DENND4A: variants seen among roughly 807,000 people sequenced by gnomAD.
The protein encoded by DENND4A is DENN domain containing 4A, also known as C-myc promoter-binding protein.
Under a neutral mutation model 199.3 loss-of-function variants are expected in DENND4A, and 70 were observed. That is an observed-to-expected ratio of 0.35 (90% CI 0.29 to 0.43). The LOEUF is 0.43. Among genes scored for constraint, DENND4A ranks in the 20% least tolerant of loss-of-function variants. The probability of loss-of-function intolerance (pLI) is 1.00; values close to 1 mark genes in which losing one functional copy is unlikely to be tolerated. For synonymous variants in DENND4A, 686 were observed against 766.9 expected, an observed-to-expected ratio of 0.89 and a Z score of 1.74; for missense variants, 1,723 against 2,255.8, an observed-to-expected ratio of 0.76 and a Z score of 4.78.
At chr15:65,683,118 C>T (rs999806124) in intron 23 of DENND4A, among the ~76,000 whole-genome samples, 1 of 152,178 alleles carries the variant, frequency 6.6e-6, no homozygotes, top group African/African-American at 2.4e-5. Flanking sequence ...ACTTGCTCAA[C>T]ACAGGTTTGC....
chr15:65,755,551 A>C (rs2140665571), intron 3 of DENND4A, among the ~76,000 whole-genome samples: 1 of 152,302 alleles, frequency 6.6e-6, no homozygotes, highest in Admixed American at 6.5e-5. Flanking sequence ...AAATCACTTG[A>C]GGCCAGGAGT....
chr15:65,757,384 G>C (rs935061507), intron 2 of DENND4A, among the ~76,000 whole-genome samples: 33 of 152,004 alleles, frequency 2.2e-4, no homozygotes, highest in African/African-American at 7.7e-4. Context: ...CACCTGATCC[G>C]GCTTGTGTTT....
intron 1 of DENND4A, chr15:65,771,201 G>C: frequency 2.5e-6 from 4 of 1,606,888 alleles, no homozygotes; most frequent in Non-Finnish European, 3.4e-6. Flanking sequence ...CCGGTAAGCC[G>C]CTCTAATTCT....
intron 32 of DENND4A, among the ~76,000 whole-genome samples, chr15:65,663,793 C>A (rs2075951681): frequency 6.6e-6 from 1 of 151,916 alleles, no homozygotes; most frequent in Non-Finnish European, 1.5e-5. Flanking sequence ...GGGACTACAG[C>A]CATGTGCCAC....
At chr15:65,691,625 T>C in intron 22 of DENND4A, 114 bp from the exon 23 acceptor site, 5 of 1,093,262 alleles carry the variant, frequency 4.6e-6, no homozygotes, top group Non-Finnish European at 6.4e-6. Flanking sequence ...TCACTGAGTG[T>C]CTGCTATTTG....
intron 1 of DENND4A, among the ~76,000 whole-genome samples, chr15:65,784,903 T>C (rs2077527103): frequency 6.6e-6 from 1 of 152,094 alleles, no homozygotes; most frequent in African/African-American, 2.4e-5. Flanking sequence ...ATCCCAGCAC[T>C]TTGGGAGCCT....
At chr15:65,692,406 C>G (rs1224623164) in intron 22 of DENND4A, among the ~76,000 whole-genome samples, 1 of 152,170 alleles carries the variant, frequency 6.6e-6, no homozygotes, top group East Asian at 1.9e-4. Flanking sequence ...TTTAATTGTT[C>G]TTACTATATG....
At chr15:65,726,539 T>A (rs2075808340) in intron 11 of DENND4A, among the ~76,000 whole-genome samples, 2 of 152,198 alleles carry the variant, frequency 1.3e-5, no homozygotes, top group African/African-American at 4.8e-5. Flanking sequence ...TTTTCTTGGT[T>A]AGGCTTTCCA....
At chr15:65,665,206 C>A in intron 30 of DENND4A, 139 bp downstream of exon 30, 1 of 596,284 alleles carries the variant, frequency 1.7e-6, no homozygotes. Flanking sequence ...CACTCTCAAA[C>A]AAAAGAGTAC....
At chr15:65,712,376 C>T (rs2075276995) in intron 14 of DENND4A, among the ~76,000 whole-genome samples, 1 of 152,112 alleles carries the variant, frequency 6.6e-6, no homozygotes, top group Non-Finnish European at 1.5e-5. Context: ...AAGGCAAAAA[C>T]AGTCATAATA....
chr15:65,702,676 G>T (rs949415054), intron 16 of DENND4A, among the ~76,000 whole-genome samples, 165 bp from the exon 17 acceptor site: 33 of 152,122 alleles, frequency 2.2e-4, no homozygotes, highest in African/African-American at 8.0e-4. Flanking sequence ...GTATTAAACA[G>T]CATATAAAAT....
At position 65,728,940 on chromosome 15, in the gene DENND4A, G is replaced by A. The variant is rs1488740622; in HGVS notation, c.1487+132C>T. On this transcript the variant is annotated intron_variant, in intron 11 of 32. Transcript: ENST00000443035. The stretch of plus-strand genomic sequence containing the variant: ...CATAATAAGGTCTGATTCAAAGACG[G>A]TGATTACCCCACATAACAAGGAAAA... 7 of 894,460 alleles carry A rather than the reference G, an allele frequency of 7.8e-6. No individual in the cohort carries two copies. In the East Asian group the frequency reaches 1.6e-4, roughly 20 times the overall value. The allele number at this position is 894,460 out of a possible 1,614,324, so 55.4% of individuals were successfully genotyped here. A position where few individuals can be genotyped will look rare whatever the true frequency, so the allele number is the denominator to read the frequency against.
At chr15:65,718,525 T>C (rs994465652) in intron 12 of DENND4A, among the ~76,000 whole-genome samples, 2 of 151,942 alleles carry the variant, frequency 1.3e-5, no homozygotes, top group Non-Finnish European at 2.9e-5. Flanking sequence ...CATCTATACC[T>C]CCCACACCAC....
At chr15:65,676,096 C>G (rs948152893) in intron 24 of DENND4A, among the ~76,000 whole-genome samples, 4 of 144,118 alleles carry the variant, frequency 2.8e-5, no homozygotes, top group Admixed American at 1.4e-4. Context: ...AAACTATTGA[C>G]AGTATGTTAC....
At chr15:65,762,021 T>TAA (rs1328588515) in intron 1 of DENND4A, among the ~76,000 whole-genome samples, 2 of 152,194 alleles carry the variant, frequency 1.3e-5, no homozygotes, top group East Asian at 3.9e-4. Flanking sequence ...TGTTGTTGTT[T>TAA]TTGAGACAAG....
At chr15:65,681,644 C>G (rs1244107391) in intron 23 of DENND4A, among the ~76,000 whole-genome samples, 1 of 149,690 alleles carries the variant, frequency 6.7e-6, no homozygotes, top group Non-Finnish European at 1.5e-5. Flanking sequence ...ACAGTCATCT[C>G]AGCCCAATGC....
At chr15:65,740,734 G>A (rs926584787) in intron 5 of DENND4A, among the ~76,000 whole-genome samples, 8 of 151,960 alleles carry the variant, frequency 5.3e-5, no homozygotes, top group Non-Finnish European at 1.2e-4. Context: ...GCTGAGGCAA[G>A]AGGAGCGCTT....
At position 65,664,738 on chromosome 15, in the gene DENND4A, A is replaced by G; in HGVS notation, c.5360-16T>C. 6.2e-7 allele frequency: 1 copy of G among 1,600,568 alleles called. No individual in the cohort carries two copies. The highest frequency in any genetic ancestry group is 8.5e-7 in the Non-Finnish European group (1 of 1,173,522). On this transcript the variant is annotated splice_polypyrimidine_tract_variant and intron_variant, in intron 30 of 32. Transcript: ENST00000443035. ...TATTTTTGGGCTGTAAACGAACAAA[A>G]GAACAGATGAAGGAAAATGTTCTGT...
chr15:65,750,136 T>A (rs953666414), intron 4 of DENND4A, among the ~76,000 whole-genome samples: 1 of 152,306 alleles, frequency 6.6e-6, no homozygotes. Context: ...TCCATTTTTT[T>A]AATACTATAC....
Sources: allele counts gnomAD v4.1 joint callset (sites outside exome capture counted in the v4.1 genomes callset), GRCh38; gene constraint gnomAD v4.1.1; transcripts MANE v1.5; gene names NCBI Gene and HGNC (gene_info 2026-07-23, HGNC 2026-07-21).